Variants in EPB41L1 observed in about 807,000 individuals in gnomAD.
EPB41L1 encodes the protein erythrocyte membrane protein band 4.1 like 1.
A neutral mutation model predicts 97.8 loss-of-function variants in EPB41L1; 29 were observed. The observed-to-expected ratio is 0.30, with a 90% CI of 0.22 to 0.40. The LOEUF is 0.40. Among genes scored for constraint, EPB41L1 ranks in the 10% least tolerant of loss-of-function variants. The pLI is 1.00. For missense variants in EPB41L1, 812 were observed against 1,162.3 expected (o/e 0.70, Z 4.38); for synonymous variants, 383 against 459.2 (o/e 0.83, Z 2.12).
chr20:36,098,544 C>T (rs1455803096), intron 1 of EPB41L1, among the ~76,000 whole-genome samples: 2 of 152,190 alleles, frequency 1.3e-5, no homozygotes, highest in Non-Finnish European at 2.9e-5. Context: ...TCTGTCGTCA[C>T]GTGGCTTTCT....
chr20:36,138,433 T>C lies in EPB41L1; in HGVS notation c.-10+25953T>C, dbSNP rs966171811. Among the ~76,000 whole-genome samples the C allele has an allele frequency of 2.0e-5, 3 of 152,172 alleles. No homozygotes were observed. In the South Asian group the frequency reaches 6.2e-4, roughly 32 times the overall value. On this transcript the variant is annotated intron_variant, in intron 2 of 19. Transcript: ENST00000202028. Reference sequence around the variant, plus strand: ...GCTTCTCCACCCCGCCCGCTAATTTTTGCATTTTTAGTAGAGACAGGGTTT... The same window carrying C: ...GCTTCTCCACCCCGCCCGCTAATTTCTGCATTTTTAGTAGAGACAGGGTTT...
At chr20:36,219,694 C>T in intron 18 of EPB41L1, 67 bp from the exon 19 acceptor site, 1 of 1,410,504 alleles carries the variant, frequency 7.1e-7, no homozygotes, top group Non-Finnish European at 1.0e-6. Context: ...CCCCACCCCG[C>T]CCTCACCCCT....
rs950651348 is a variant in EPB41L1, at chr20:36,204,919, G to T, written c.1669-4569G>T. ...GCCTCCCAAAGTGCTGGGATTACAG[G>T]CGTGAGCCACCGCGCTTGGCCTCTG... is the stretch of plus-strand genomic sequence containing the variant. On this transcript the variant is annotated intron_variant, in intron 14 of 21. Transcript: ENST00000338074. Among the ~76,000 whole-genome samples the T allele has an allele frequency of 7.9e-5, 12 of 152,340 alleles. No individual in the cohort carries two copies. The East Asian group carries it at 2.1e-3, about 27-fold the overall frequency.
At chr20:36,208,609 C>T (rs2062959349) in intron 14 of EPB41L1, among the ~76,000 whole-genome samples, 1 of 152,200 alleles carries the variant, frequency 6.6e-6, no homozygotes, top group Admixed American at 6.5e-5. Flanking sequence ...TGTCTAAGCC[C>T]ACTGAATCCC....
intron 2 of EPB41L1, among the ~76,000 whole-genome samples, chr20:36,174,922 G>C (rs532267346): frequency 1.4e-4 from 22 of 152,278 alleles, no homozygotes; most frequent in African/African-American, 4.6e-4. Flanking sequence ...CCCTGAACCT[G>C]TCTGTTCTAG....
At chr20:36,187,852 C>T in intron 8 of EPB41L1, 89 bp downstream of exon 8, 1 of 1,075,778 alleles carries the variant, frequency 9.3e-7, no homozygotes, top group Non-Finnish European at 1.4e-6. Flanking sequence ...TGTGCCAGAC[C>T]CTGTGTTACC....
chr20:36,182,035 G>A (rs1031646376), intron 5 of EPB41L1, among the ~76,000 whole-genome samples: 1 of 152,206 alleles, frequency 6.6e-6, no homozygotes, highest in South Asian at 2.1e-4. Context: ...GGCATGCAGC[G>A]TCAGTTTTCT....
At chr20:36,142,565 G>A (rs1362963959) in intron 2 of EPB41L1, among the ~76,000 whole-genome samples, 1 of 152,176 alleles carries the variant, frequency 6.6e-6, no homozygotes, top group Non-Finnish European at 1.5e-5. Context: ...ATTTATTGGC[G>A]GCTCATTATC....
intron 14 of EPB41L1, among the ~76,000 whole-genome samples, chr20:36,202,357 C>T (rs953202318): frequency 2.6e-5 from 4 of 152,330 alleles, no homozygotes; most frequent in South Asian, 4.1e-4. Context: ...CGCTGGTGCC[C>T]GCTACCGCTC....
intron 17 of EPB41L1, among the ~76,000 whole-genome samples, chr20:36,218,028 A>G (rs2063545190): frequency 6.6e-6 from 1 of 152,196 alleles, no homozygotes; most frequent in Non-Finnish European, 1.5e-5. Context: ...CGGGGGCAGT[A>G]AGTCAGGGGA....
rs778416314 is a variant in EPB41L1, at chr20:36,209,476, A to G, written c.1669-12A>G. On this transcript the variant is annotated splice_polypyrimidine_tract_variant and intron_variant, in intron 14 of 21. Transcript: ENST00000338074. This position sits in a 1 kb window ranked among gnomAD's most constrained non-coding sequence, Gnocchi z 4.2. ...CCCACATCCCCATTCTTTTGATTTT[A>G]TCTGGCCATAGAGAGCAGGGCTGAG... The G allele has an allele frequency of 2.5e-6, 4 of 1,611,898 alleles. No homozygotes were observed. The highest frequency in any genetic ancestry group is 1.6e-4 in the Middle Eastern group (1 of 6,078).
intron 1 of EPB41L1, among the ~76,000 whole-genome samples, chr20:36,162,511 C>T (rs1361110258): frequency 6.6e-6 from 1 of 152,176 alleles, no homozygotes; most frequent in Non-Finnish European, 1.5e-5. Context: ...GAAATAAGCT[C>T]ACCTACTCCG....
At chr20:36,227,719 C>T (rs1288049743) in intron 21 of EPB41L1, among the ~76,000 whole-genome samples, 1 of 152,228 alleles carries the variant, frequency 6.6e-6, no homozygotes, top group African/African-American at 2.4e-5. Flanking sequence ...CCAGAAACAT[C>T]TGTCCCTGCT....
chr20:36,168,501 A>G (rs1026747190), intron 1 of EPB41L1, among the ~76,000 whole-genome samples: 2 of 150,236 alleles, frequency 1.3e-5, no homozygotes, highest in African/African-American at 2.4e-5. Flanking sequence ...CCTACGTCTC[A>G]GGCTTGTTTT....
At chr20:36,126,436 G>T (rs568783032) in intron 2 of EPB41L1, among the ~76,000 whole-genome samples, 5 of 149,342 alleles carry the variant, frequency 3.3e-5, no homozygotes, top group Admixed American at 6.7e-5. Flanking sequence ...GCGTGATCTC[G>T]GCTCACTGCA....
chr20:36,157,739 TG>T lies in EPB41L1; in HGVS notation c.-15+2845del, dbSNP rs375004687. Among the ~76,000 whole-genome samples, 23 of 152,346 alleles carry T rather than the reference TG, an allele frequency of 1.5e-4. No individual in the cohort carries two copies. In the East Asian group the frequency reaches 2.3e-3, roughly 15 times the overall value. Reference sequence around the variant, plus strand: ...GGATTAGCCTTGGCCTTCTCCTTCCTGGCCAGGGTCCCCCAGAAGTGGGGAA... The same window carrying T: ...GGATTAGCCTTGGCCTTCTCCTTCCTGCCAGGGTCCCCCAGAAGTGGGGAA... On this transcript the variant is annotated intron_variant, in intron 1 of 21. Coordinates refer to ENST00000338074, the MANE Select transcript of EPB41L1 (RefSeq NM_012156.2).
intron 6 of EPB41L1, 42 bp from the exon 7 acceptor site, chr20:36,185,075 G>A: frequency 6.3e-7 from 1 of 1,590,952 alleles, no homozygotes; most frequent in Non-Finnish European, 8.6e-7. Context: ...ATCTAGGGAG[G>A]AGTAGGGCCC....
intron 1 of EPB41L1, among the ~76,000 whole-genome samples, chr20:36,163,456 C>T (rs143889382): frequency 5.3e-5 from 8 of 152,320 alleles, no homozygotes; most frequent in African/African-American, 1.2e-4. Flanking sequence ...GGCTTCCTGA[C>T]GGTTCCCTTG....
intron 4 of EPB41L1, among the ~76,000 whole-genome samples, 157 bp from the exon 5 acceptor site, chr20:36,178,473 C>T (rs573123954): frequency 4.6e-5 from 7 of 152,196 alleles, no homozygotes; most frequent in Non-Finnish European, 7.4e-5. Flanking sequence ...TTCCCCTCAC[C>T]CCCTAGTCCC....
Sources: gnomAD v4.1 joint callset for allele counts (sites outside exome capture counted in the v4.1 genomes callset) on GRCh38, gnomAD v4.1.1 for gene constraint, Gnocchi (gnomAD v3.1) non-coding constraint, MANE v1.5 for transcripts, NCBI Gene and HGNC (gene_info 2026-07-23, HGNC 2026-07-21) for gene names.